The following ADGRV1 variants were observed in gnomAD, a reference collection of about 807,000 sequenced individuals.
ADGRV1 encodes the protein G-protein coupled receptor 98.
In ADGRV1, 359 loss-of-function variants were observed where a neutral mutation model predicts 596.2. That is an observed-to-expected ratio of 0.60 (90% CI 0.55 to 0.66). The LOEUF is 0.66. Among genes scored for constraint, ADGRV1 ranks in the 30% least tolerant of loss-of-function variants. The probability of loss-of-function intolerance (pLI) is 0.00; values close to 1 mark genes in which losing one functional copy is unlikely to be tolerated. For missense variants in ADGRV1, 7,274 were observed against 7,575.6 expected (o/e 0.96, Z 1.48); for synonymous variants, 2,681 against 2,679.2 (o/e 1.00, Z -0.02).
intron 83 of ADGRV1, among the ~76,000 whole-genome samples, chr5:90,886,833 C>G (rs1331674774): frequency 6.6e-6 from 1 of 152,198 alleles, no homozygotes; most frequent in African/African-American, 2.4e-5. Flanking sequence ...TTCAGCTTAC[C>G]AGCAAGACTT....
chr5:91,060,295 C>T (rs1405694814), intron 85 of ADGRV1, among the ~76,000 whole-genome samples: 1 of 151,742 alleles, frequency 6.6e-6, no homozygotes, highest in Non-Finnish European at 1.5e-5. Flanking sequence ...ATTATGGCTC[C>T]AGCCATCCTC....
At chr5:90,697,577 G>A (rs1747356729) in intron 34 of ADGRV1, among the ~76,000 whole-genome samples, 1 of 152,116 alleles carries the variant, frequency 6.6e-6, no homozygotes, top group Non-Finnish European at 1.5e-5. Flanking sequence ...TTAAAAACAA[G>A]TAATAGTTTG....
chr5:90,685,081 G>A (rs955893161), intron 28 of ADGRV1, among the ~76,000 whole-genome samples: 8 of 152,054 alleles, frequency 5.3e-5, no homozygotes, highest in Non-Finnish European at 1.2e-4. Context: ...ATACTCTAAT[G>A]ATTTTTTCCT....
chr5:90,607,816 A>G (rs10473939), intron 1 of ADGRV1, among the ~76,000 whole-genome samples: 4,593 of 152,274 alleles, frequency 0.03, 216 homozygotes, highest in African/African-American at 0.1. Context: ...TATTCAGAGC[A>G]TCCCAGTCAT....
chr5:91,045,052 C>G (rs1002640761), intron 85 of ADGRV1, among the ~76,000 whole-genome samples: 2 of 152,030 alleles, frequency 1.3e-5, no homozygotes, highest in Admixed American at 6.6e-5. Flanking sequence ...GAGAACATTC[C>G]ATGCATGAAA....
chr5:90,565,225 A>G (rs1755487424), intron 1 of ADGRV1, among the ~76,000 whole-genome samples: 1 of 152,140 alleles, frequency 6.6e-6, no homozygotes, highest in Non-Finnish European at 1.5e-5. Flanking sequence ...CAACAAGAGC[A>G]AAACTCCATC....
chr5:90,935,411 T>C (rs538843547), intron 83 of ADGRV1, among the ~76,000 whole-genome samples: 1 of 152,340 alleles, frequency 6.6e-6, no homozygotes, highest in South Asian at 2.1e-4. Context: ...ATCTCTCTGC[T>C]ACATTCAGTT....
chr5:90,951,501 C>T (rs1363903696), intron 83 of ADGRV1, among the ~76,000 whole-genome samples: 2 of 151,948 alleles, frequency 1.3e-5, no homozygotes, highest in Admixed American at 6.6e-5. Context: ...ATTTTTTTCA[C>T]TGTTTACTCC....
chr5:90,725,375 T>C (rs987563698), intron 47 of ADGRV1, 143 bp downstream of exon 47: 18 of 696,942 alleles, frequency 2.6e-5, no homozygotes, highest in Non-Finnish European at 4.2e-5. Context: ...TTTAGCAAAG[T>C]ATCTTAATCC....
Position 90,807,590 on chromosome 5 carries a change from GT to G in ADGRV1, c.14837-8del. ...ATAATACCCTACTTTGCTTTTTCAT[GT>G]TTTCTTTCAGGGAGCCTTTCATTTT... On this transcript the variant is annotated splice_polypyrimidine_tract_variant and intron_variant, in intron 72 of 89. Transcript: ENST00000405460. 1 of 1,605,032 alleles carries G rather than the reference GT, an allele frequency of 6.2e-7. No homozygotes were observed. Among genetic ancestry groups the G allele is most frequent in the East Asian group, 2.2e-5 (1 of 44,720 alleles).
At chr5:90,607,814 G>A (rs536136937) in intron 1 of ADGRV1, among the ~76,000 whole-genome samples, 2 of 152,184 alleles carry the variant, frequency 1.3e-5, no homozygotes, top group South Asian at 4.2e-4. Flanking sequence ...TATATTCAGA[G>A]CATCCCAGTC....
intron 83 of ADGRV1, among the ~76,000 whole-genome samples, chr5:90,887,467 T>G (rs1165503848): frequency 1.3e-5 from 2 of 152,170 alleles, no homozygotes; most frequent in Non-Finnish European, 2.9e-5. Flanking sequence ...TCATCTCTGT[T>G]TTCTCATGGA....
rs562816352 is a variant in ADGRV1 at position 90,652,527 on chromosome 5, A to G, written c.3598A>G (p.Asn1200Asp). Residue 1200 changes from asparagine (N) to aspartate (D), a missense_variant, in exon 19 of 90, where the codon AAT (asparagine) becomes GAT (aspartate). Physicochemically the swap from Asn to Asp is conservative, Grantham distance 23. Around this residue, in one of 5 missense-constraint regions of ADGRV1, gnomAD observed 1,715 missense variants for 1,708.8 expected, o/e 1.00. Coordinates refer to ENST00000405460, the MANE Select transcript of ADGRV1 (RefSeq NM_032119.4). ...HAFPDKIPEF[N>D]EFYFLKLVNI... ...TTTTCCAGATAAAATTCCTGAATTC[A>G]ATGAATTTTATTTCCTAAAACTTGT... 2.5e-6 allele frequency: 4 copies of G among 1,611,928 alleles called. 1 individual carries two copies. In the East Asian group the frequency reaches 8.9e-5, roughly 36 times the overall value.
At chr5:90,660,331 C>T (rs180994361) in intron 21 of ADGRV1, among the ~76,000 whole-genome samples, 1 of 152,206 alleles carries the variant, frequency 6.6e-6, no homozygotes, top group African/African-American at 2.4e-5. Context: ...AACAAAAACT[C>T]TCTGGGGTTC....
intron 34 of ADGRV1, among the ~76,000 whole-genome samples, chr5:90,701,926 T>C (rs1580791458): frequency 6.6e-6 from 1 of 151,662 alleles, no homozygotes; most frequent in East Asian, 2.0e-4. Context: ...GCCATTTGTG[T>C]TCTCTTTGCA....
intron 29 of ADGRV1, among the ~76,000 whole-genome samples, chr5:90,687,454 C>T (rs1319357542): frequency 2.0e-5 from 3 of 152,036 alleles, no homozygotes; most frequent in Non-Finnish European, 2.9e-5. Flanking sequence ...TCTGAATGGG[C>T]AAAAACTGGA....
At chr5:90,886,045 G>A (rs1412661102) in intron 83 of ADGRV1, among the ~76,000 whole-genome samples, 1 of 152,072 alleles carries the variant, frequency 6.6e-6, no homozygotes, top group East Asian at 1.9e-4. Context: ...AGGATTAATA[G>A]TTGTACTTAG....
chr5:90,645,120 G>A lies in ADGRV1; in HGVS notation c.2898+251G>A, dbSNP rs554901888. On this transcript the variant is annotated intron_variant, in intron 15 of 89. Transcript: ENST00000405460. ...TATCCAGTATCAGGGATTCTTAGTT[G>A]GAGAGGCGAAGCCCTCGGCTTGTAT... Among the ~76,000 whole-genome samples the A allele has an allele frequency of 2.0e-5, 3 of 152,306 alleles. No individual in the cohort carries two copies. The East Asian group carries it at 5.8e-4, about 29-fold the overall frequency.
At chr5:90,643,343 G>A (rs775988631) in intron 13 of ADGRV1, among the ~76,000 whole-genome samples, 2 of 151,410 alleles carry the variant, frequency 1.3e-5, no homozygotes, top group African/African-American at 4.9e-5. Context: ...TAGGTAATAT[G>A]TATTGACTGA....
Sources: allele counts gnomAD v4.1 joint callset (sites outside exome capture counted in the v4.1 genomes callset), GRCh38; gene constraint gnomAD v4.1.1; regional missense constraint gnomAD v4.1.1; transcripts MANE v1.5; gene names NCBI Gene and HGNC (gene_info 2026-07-23, HGNC 2026-07-21).